GRID2: variants seen among roughly 807,000 people sequenced by gnomAD.
GRID2 encodes glutamate ionotropic receptor delta type subunit 2.
In GRID2, 33 loss-of-function variants were observed where a neutral mutation model predicts 114.8. The observed-to-expected ratio is 0.29, with a 90% CI of 0.22 to 0.38. The LOEUF (loss-of-function observed/expected upper bound fraction) is 0.38. Among genes scored for constraint, GRID2 ranks in the 10% least tolerant of loss-of-function variants. The probability of loss-of-function intolerance (pLI) is 1.00; values close to 1 mark genes in which losing one functional copy is unlikely to be tolerated. For synonymous variants in GRID2, 505 were observed against 449.9 expected, an observed-to-expected ratio of 1.12 and a Z score of -1.55; for missense variants, 1,184 against 1,257.7, an observed-to-expected ratio of 0.94 and a Z score of 0.89.
chr4:92,667,545 T>G lies in GRID2; in HGVS notation c.244+77259T>G, dbSNP rs188681214. Among the ~76,000 whole-genome samples, 6 of 151,744 alleles carry G rather than the reference T, an allele frequency of 4.0e-5. No homozygotes were observed. In the East Asian group the frequency reaches 1.2e-3, roughly 29 times the overall value. ...CATTTACAATCCAAGAACAAATAAA[T>G]ATCCATAGCAACATAGACTCTAGAA... On this transcript the variant is annotated intron_variant, in intron 2 of 15. Transcript: ENST00000282020.
intron 14 of GRID2, among the ~76,000 whole-genome samples, chr4:93,755,218 G>C (rs945313206): frequency 2.0e-5 from 3 of 152,104 alleles, no homozygotes; most frequent in African/African-American, 2.4e-5. Flanking sequence ...TAACTGCTGA[G>C]AACTTCACTC....
intron 14 of GRID2, among the ~76,000 whole-genome samples, chr4:93,738,588 CAGA>C (rs1475307216): frequency 1.3e-5 from 2 of 151,990 alleles, no homozygotes; most frequent in African/African-American, 2.4e-5. Flanking sequence ...AATAGGGAGT[CAGA>C]AGGATGACTT....
intron 2 of GRID2, among the ~76,000 whole-genome samples, chr4:92,802,257 G>T (rs1200028925): frequency 6.6e-6 from 1 of 151,668 alleles, no homozygotes; most frequent in Non-Finnish European, 1.5e-5. Context: ...ACACAAGAAT[G>T]GTGCATTTGT....
chr4:93,260,783 G>A (rs1750167429), intron 8 of GRID2, among the ~76,000 whole-genome samples: 1 of 151,702 alleles, frequency 6.6e-6, no homozygotes, highest in Non-Finnish European at 1.5e-5. Context: ...TAGGTGAAAT[G>A]GAATATAAAC....
exon 2 of GRID2, chr4:93,809,466 T>A (rs1735091804): frequency 1.3e-5 from 2 of 152,198 alleles, no homozygotes; most frequent in Admixed American, 6.5e-5. Flanking sequence ...TCTCCAGGAA[T>A]AACATAAAGT....
intron 2 of GRID2, among the ~76,000 whole-genome samples, chr4:92,638,352 G>A (rs1247519887): frequency 2.0e-5 from 3 of 150,764 alleles, no homozygotes; most frequent in South Asian, 2.1e-4. Flanking sequence ...GTTACCTTGG[G>A]CTTACTGTAC....
At chr4:93,143,682 A>G (rs1304187394) in intron 4 of GRID2, among the ~76,000 whole-genome samples, 6 of 152,176 alleles carry the variant, frequency 3.9e-5, no homozygotes, top group Non-Finnish European at 8.8e-5. Context: ...TGTTTTATTT[A>G]ATGACTAAAT....
chr4:92,652,231 G>T (rs1471484638), intron 2 of GRID2, among the ~76,000 whole-genome samples: 1 of 152,010 alleles, frequency 6.6e-6, no homozygotes, highest in Non-Finnish European at 1.5e-5. Context: ...GGTGAGGGCA[G>T]ATCTTCTTTA....
chr4:93,115,459 T>C (rs1413605473), intron 4 of GRID2, among the ~76,000 whole-genome samples: 1 of 151,630 alleles, frequency 6.6e-6, no homozygotes, highest in Non-Finnish European at 1.5e-5. Context: ...AGTTATGTAC[T>C]ATGTTTAAAT....
At chr4:92,427,756 A>G (rs1732231216) in intron 1 of GRID2, among the ~76,000 whole-genome samples, 1 of 148,450 alleles carries the variant, frequency 6.7e-6, no homozygotes, top group Non-Finnish European at 1.5e-5. Context: ...AATAAGCCCA[A>G]CACAGTACAA....
intron 2 of GRID2, among the ~76,000 whole-genome samples, chr4:92,776,685 C>T (rs1738815267): frequency 6.6e-6 from 1 of 152,028 alleles, no homozygotes; most frequent in South Asian, 2.1e-4. Context: ...CCTCATTCCT[C>T]TGTAAAGATT....
chr4:92,307,236 A>C lies in GRID2; in HGVS notation c.88+2492A>C, dbSNP rs530339581. ...AGGTGTTGCCTTCATTTAAATATTT[A>C]ATGTGAGAAATATGTTTCTGGGGAA... On this transcript the variant is annotated intron_variant, in intron 1 of 15. Transcript: ENST00000282020. 1.3e-3 allele frequency among the ~76,000 whole-genome samples: 191 copies of C among 152,206 alleles called. 2 individuals are homozygous for C. The highest frequency in any genetic ancestry group is 4.4e-3 in the African/African-American group (182 of 41,548).
At chr4:93,022,173 TTTGA>T (rs1723429439) in intron 2 of GRID2, among the ~76,000 whole-genome samples, 2 of 151,860 alleles carry the variant, frequency 1.3e-5, no homozygotes, top group South Asian at 4.1e-4. Context: ...TGTATCTATC[TTTGA>T]TTATGTCCTT....
At chr4:93,494,866 T>C (rs1322280180) in intron 12 of GRID2, among the ~76,000 whole-genome samples, 1 of 151,844 alleles carries the variant, frequency 6.6e-6, no homozygotes, top group Non-Finnish European at 1.5e-5. Context: ...ATGGAGCATG[T>C]GAAGCTTTGA....
intron 2 of GRID2, among the ~76,000 whole-genome samples, chr4:92,619,775 T>C (rs1353770856): frequency 6.6e-6 from 1 of 151,698 alleles, no homozygotes; most frequent in Non-Finnish European, 1.5e-5. Context: ...TATGTCTTTG[T>C]TTTTTTGTTT....
chr4:93,194,187 T>A (rs1326299344), intron 4 of GRID2, among the ~76,000 whole-genome samples: 1 of 152,194 alleles, frequency 6.6e-6, no homozygotes, highest in Admixed American at 6.5e-5. Context: ...GCTGATCTTA[T>A]CACTTGAGAT....
rs1054793609 is a variant in GRID2 at position 93,621,683 on chromosome 4, T to A, written c.2194-4586T>A. On this transcript the variant is annotated intron_variant, in intron 13 of 15. Coordinates refer to ENST00000282020, the MANE Select transcript of GRID2 (RefSeq NM_001510.4). ...AGTATTTTATAGAGTTTTCATTTGA[T>A]GGTTAAAGACCATTCAAAAGGCAGT... Among the ~76,000 whole-genome samples, 3 of 152,208 alleles carry A rather than the reference T, an allele frequency of 2.0e-5. No individual in the cohort carries two copies. In the South Asian group the frequency reaches 6.2e-4, roughly 31 times the overall value.
rs369360624 is a variant in GRID2 at position 93,535,560 on chromosome 4, A to G, written c.2193+20149A>G. ...TTTCTCCACATACTCACCAACACTT[A>G]CTATCTTTTGTCTATTTAATAATAC... On this transcript the variant is annotated intron_variant, in intron 13 of 15. Transcript: ENST00000282020. Among the ~76,000 whole-genome samples, 3 of 151,986 alleles carry G rather than the reference A, an allele frequency of 2.0e-5. No homozygotes were observed. The East Asian group carries it at 5.8e-4, about 29-fold the overall frequency.
chr4:93,544,171 T>A (rs1732955980), intron 13 of GRID2, among the ~76,000 whole-genome samples: 1 of 152,156 alleles, frequency 6.6e-6, no homozygotes, highest in African/African-American at 2.4e-5. Context: ...ACAGAATATT[T>A]TTGTTTTCCT....
Sources: allele counts gnomAD v4.1 joint callset (sites outside exome capture counted in the v4.1 genomes callset), GRCh38; gene constraint gnomAD v4.1.1; transcripts MANE v1.5; gene names NCBI Gene and HGNC (gene_info 2026-07-23, HGNC 2026-07-21).